The following SCAMP1 variants were observed in gnomAD, a reference collection of about 807,000 sequenced individuals.
SCAMP1 encodes the protein secretory carrier membrane protein 1.
A neutral mutation model predicts 41.8 loss-of-function variants in SCAMP1; 15 were observed. The ratio of observed to expected loss-of-function variants is 0.36; its 90% CI spans 0.24 to 0.55. SCAMP1 has a LOEUF of 0.55. Among genes scored for constraint, SCAMP1 ranks in the 20% least tolerant of loss-of-function variants. SCAMP1 has a pLI of 0.86. For missense variants in SCAMP1, 341 were observed against 412.6 expected, an observed-to-expected ratio of 0.83 and a Z score of 1.50; for synonymous variants, 135 against 136.8, an observed-to-expected ratio of 0.99 and a Z score of 0.09.
In SCAMP1 at chr5:78,415,532, G is replaced by A. The variant is rs75278293; in HGVS notation, c.148G>A (p.Gly50Ser). Residue 50 changes from glycine (G) to serine (S), a missense_variant, in exon 3 of 9, where the codon GGT becomes AGT. Gly to Ser is a moderately conservative substitution (Grantham distance 56). Coordinates refer to ENST00000621999, the MANE Select transcript of SCAMP1 (RefSeq NM_004866.6). ...TTAATCCTCCTAGCCTCCACCAGGC[G>A]GTGTGAAGATGCCTAATGTACCCAA... ...FSDSRTPPPG[G>S]VKMPNVPNTQ... 3.7e-3 allele frequency: 5,936 copies of A among 1,601,600 alleles called. 200 individuals are homozygous for A. The African/African-American group carries it at 0.068, about 18-fold the overall frequency.
chr5:78,413,520 C>T (rs1162451614), intron 2 of SCAMP1, among the ~76,000 whole-genome samples: 8 of 151,222 alleles, frequency 5.3e-5, no homozygotes, highest in Non-Finnish European at 1.2e-4. Flanking sequence ...CAGGCTCAAG[C>T]GATTCTCATG....
chr5:78,379,864 T>C (rs1369275879), intron 1 of SCAMP1, among the ~76,000 whole-genome samples: 2 of 152,334 alleles, frequency 1.3e-5, no homozygotes, highest in East Asian at 3.9e-4. Context: ...ACATTCTATC[T>C]CCCTCCTTTT....
At chr5:78,379,918 A>G (rs1301765993) in intron 1 of SCAMP1, among the ~76,000 whole-genome samples, 1 of 152,160 alleles carries the variant, frequency 6.6e-6, no homozygotes, top group African/African-American at 2.4e-5. Flanking sequence ...AAAACATTTC[A>G]TGGTTCCAAA....
At chr5:78,428,224 G>A (rs994705410) in intron 6 of SCAMP1, among the ~76,000 whole-genome samples, 2 of 152,060 alleles carry the variant, frequency 1.3e-5, no homozygotes, top group Non-Finnish European at 2.9e-5. Context: ...TGTGTATGAA[G>A]GTTATTGGTC....
At chr5:78,431,052 A>G (rs1752607761) in intron 6 of SCAMP1, among the ~76,000 whole-genome samples, 1 of 151,976 alleles carries the variant, frequency 6.6e-6, no homozygotes, top group African/African-American at 2.4e-5. Flanking sequence ...TCCCTTTTCT[A>G]ACCATATACA....
chr5:78,469,601 A>T (rs753753750), intron 8 of SCAMP1, among the ~76,000 whole-genome samples: 32 of 152,030 alleles, frequency 2.1e-4, no homozygotes, highest in Non-Finnish European at 3.4e-4. Flanking sequence ...AGGCATCTTC[A>T]AATTTGGTAG....
At chr5:78,362,917 G>A (rs1423148455) in intron 1 of SCAMP1, among the ~76,000 whole-genome samples, 2 of 139,434 alleles carry the variant, frequency 1.4e-5, no homozygotes, top group African/African-American at 5.2e-5. Flanking sequence ...TTTTGAGACG[G>A]AGTCTTGCAC....
At chr5:78,405,569 C>T (rs899806882) in intron 2 of SCAMP1, among the ~76,000 whole-genome samples, 13 of 152,144 alleles carry the variant, frequency 8.5e-5, no homozygotes, top group African/African-American at 3.1e-4. Context: ...TTGTTGTTGT[C>T]CCGTAAAATG....
chr5:78,467,247 A>G lies in SCAMP1; in HGVS notation c.852+7885A>G, dbSNP rs116244683. ...GAGGGCTTTGGGGAGAATACTCACA[A>G]CAATTAAGACTCTGCTGTGGGTGAA... On this transcript the variant is annotated intron_variant, in intron 8 of 8. Transcript: ENST00000621999. Among the ~76,000 whole-genome samples the G allele has an allele frequency of 3.0e-3, 452 of 152,308 alleles. 1 individual carries two copies. The highest frequency in any genetic ancestry group is 9.9e-3 in the African/African-American group (412 of 41,574).
chr5:78,401,831 G>A (rs115213696), intron 2 of SCAMP1, among the ~76,000 whole-genome samples: 1,548 of 151,922 alleles, frequency 0.01, 32 homozygotes, highest in African/African-American at 0.035. Context: ...TTTTAATTTC[G>A]TTGACTTGTG....
rs1394191444 is a variant in SCAMP1, at chr5:78,432,354, A to G, written c.632+10394A>G. Among the ~76,000 whole-genome samples the G allele has an allele frequency of 2.0e-5, 3 of 152,164 alleles. No individual in the cohort carries two copies. The East Asian group carries it at 5.8e-4, about 29-fold the overall frequency. ...TCATATCATAATCTTTTTGCCAGAA[A>G]ATTTTTCTTTAATATTTTTGGTAGA... On this transcript the variant is annotated intron_variant, in intron 6 of 8. Transcript: ENST00000621999.
At chr5:78,360,888 C>T (rs914637867) in intron 1 of SCAMP1, 160 bp downstream of exon 1, 3 of 671,266 alleles carry the variant, frequency 4.5e-6, no homozygotes, top group African/African-American at 1.8e-5. Context: ...CGCCCCGGCC[C>T]CGTGTCACTC....
chr5:78,440,282 G>T (rs1185522162), intron 6 of SCAMP1, among the ~76,000 whole-genome samples: 2 of 152,140 alleles, frequency 1.3e-5, no homozygotes, highest in Admixed American at 6.6e-5. Flanking sequence ...AGGAGAAGGG[G>T]CGCTCTGATT....
At chr5:78,384,564 C>G (rs1434450756) in intron 1 of SCAMP1, among the ~76,000 whole-genome samples, 1 of 151,984 alleles carries the variant, frequency 6.6e-6, no homozygotes, top group Non-Finnish European at 1.5e-5. Flanking sequence ...CAAGTTTTCC[C>G]CGTTCAGTGT....
At position 78,423,990 on chromosome 5, in the gene SCAMP1, A is replaced by G. The variant is rs192951449; in HGVS notation, c.632+2030A>G. ...CTCTCAGGTAGCTGGGATTACAGGC[A>G]TGCACCACCATGCCTGGCTAATTTT... On this transcript the variant is annotated intron_variant, in intron 6 of 8. Transcript: ENST00000621999. Among the ~76,000 whole-genome samples, 516 of 152,090 alleles carry G rather than the reference A, an allele frequency of 3.4e-3. 4 individuals carry two copies. The highest frequency in any genetic ancestry group is 0.012 in the African/African-American group (489 of 41,516).
chr5:78,438,788 T>G (rs1752835229), intron 6 of SCAMP1, among the ~76,000 whole-genome samples: 1 of 152,306 alleles, frequency 6.6e-6, no homozygotes, highest in East Asian at 1.9e-4. Flanking sequence ...TCTGTCTTGT[T>G]GATCTGTCTA....
At chr5:78,401,582 G>T (rs1362726078) in intron 2 of SCAMP1, among the ~76,000 whole-genome samples, 1 of 152,048 alleles carries the variant, frequency 6.6e-6, no homozygotes, top group East Asian at 1.9e-4. Context: ...CGAGGCATTG[G>T]TCCATTTCTT....
rs961430057 is a variant in SCAMP1, at chr5:78,477,702, T to C, written c.*2034T>C. 2.0e-5 allele frequency: 3 copies of C among 152,154 alleles called. No individual in the cohort carries two copies. Among genetic ancestry groups the C allele is most frequent in the Non-Finnish European group, 4.4e-5 (3 of 67,986 alleles). 9.4% of individuals were successfully genotyped at this position (152,154 alleles called of 1,614,324 possible). A position where few individuals can be genotyped will look rare whatever the true frequency, so the allele number is the denominator to read the frequency against. ...GCAAAGAATAATTAGAACCCACATA[T>C]CTTTTTTTGTGTGGATGGGGAAAAT... is the stretch of plus-strand genomic sequence containing the variant. On this transcript the variant is annotated 3_prime_UTR_variant, in exon 9 of 9. Transcript: ENST00000621999.
intron 6 of SCAMP1, among the ~76,000 whole-genome samples, chr5:78,436,993 A>G (rs1752773676): frequency 6.6e-6 from 1 of 152,108 alleles, no homozygotes. Flanking sequence ...GCAGTTGTGA[A>G]TGGGAGTTCA....
Sources: gnomAD v4.1 joint callset for allele counts (sites outside exome capture counted in the v4.1 genomes callset) on GRCh38, gnomAD v4.1.1 for gene constraint, MANE v1.5 for transcripts, NCBI Gene and HGNC (gene_info 2026-07-23, HGNC 2026-07-21) for gene names.